The following COL26A1 variants were observed in gnomAD, a reference collection of about 807,000 sequenced individuals.
The protein encoded by COL26A1 is collagen alpha-1(XXVI) chain.
In COL26A1, 41 loss-of-function variants were observed where a neutral mutation model predicts 59.3. The ratio of observed to expected loss-of-function variants is 0.69; its 90% CI spans 0.54 to 0.90. The LOEUF is 0.90. Among genes scored for constraint, COL26A1 ranks in the 40% least tolerant of loss-of-function variants. COL26A1 has a pLI of 0.00. For synonymous variants in COL26A1, 266 were observed against 256.0 expected (o/e 1.04, Z -0.37); for missense variants, 612 against 602.3 (o/e 1.02, Z -0.17).
intron 3 of COL26A1, among the ~76,000 whole-genome samples, chr7:101,498,524 G>C (rs1794635002): frequency 6.6e-6 from 1 of 152,152 alleles, no homozygotes; most frequent in African/African-American, 2.4e-5. Context: ...CTGGCTCTGA[G>C]CACCTTGGTG....
chr7:101,483,740 T>C (rs1794204493), intron 3 of COL26A1, among the ~76,000 whole-genome samples: 1 of 151,156 alleles, frequency 6.6e-6, no homozygotes, highest in Non-Finnish European at 1.5e-5. Flanking sequence ...AATGGCGCGA[T>C]CTCAGCTCAC....
At chr7:101,484,480 C>T (rs1469026342) in intron 3 of COL26A1, among the ~76,000 whole-genome samples, 4 of 151,462 alleles carry the variant, frequency 2.6e-5, no homozygotes, top group African/African-American at 9.7e-5. Context: ...CAGCGATTCT[C>T]CTGCCTCAGC....
At chr7:101,422,794 C>T (rs1792554843) in intron 2 of COL26A1, among the ~76,000 whole-genome samples, 1 of 152,004 alleles carries the variant, frequency 6.6e-6, no homozygotes, top group Non-Finnish European at 1.5e-5. Context: ...CATGCATCAC[C>T]GTGCCTCACT....
intron 1 of COL26A1, among the ~76,000 whole-genome samples, chr7:101,415,157 C>CT (rs768628869): frequency 4.2e-3 from 612 of 147,254 alleles, no homozygotes; most frequent in Non-Finnish European, 5.0e-3. Flanking sequence ...AACCCCCCCC[C>CT]TTTTTTTTTT....
intron 1 of COL26A1, among the ~76,000 whole-genome samples, chr7:101,363,543 CGGGGGTTG>C (rs1790958459): frequency 7.6e-5 from 2 of 26,262 alleles, no homozygotes; most frequent in South Asian, 1.2e-3. Flanking sequence ...CGCGGGGCGG[CGGGGGTTG>C]GGGGCTGCAG....
Position 101,558,496 on chromosome 7 carries a change from G to T in COL26A1, c.*966G>T, listed in dbSNP as rs943913600. Reference sequence around the variant, plus strand: ...GTTTGTCTCTCAGTGGACTCTATAGGTTTGCTACTTTTGCATGACACAGCA... The same window carrying T: ...GTTTGTCTCTCAGTGGACTCTATAGTTTTGCTACTTTTGCATGACACAGCA... On this transcript the variant is annotated 3_prime_UTR_variant, in exon 13 of 13. Coordinates refer to ENST00000313669, the MANE Select transcript of COL26A1 (RefSeq NM_001278563.3). The T allele has an allele frequency of 6.6e-6, 1 of 152,204 alleles. No individual in the cohort carries two copies. The highest frequency in any genetic ancestry group is 2.4e-5 in the African/African-American group (1 of 41,440). 9.4% of individuals were successfully genotyped at this position (152,204 alleles called of 1,614,324 possible).
At chr7:101,512,020 A>G (rs1563020352) in intron 3 of COL26A1, among the ~76,000 whole-genome samples, 1 of 152,092 alleles carries the variant, frequency 6.6e-6, no homozygotes, top group Admixed American at 6.6e-5. Flanking sequence ...AATAAATAAA[A>G]TGAAAGACAC....
At chr7:101,377,335 A>G (rs1225081738) in intron 1 of COL26A1, among the ~76,000 whole-genome samples, 4 of 151,952 alleles carry the variant, frequency 2.6e-5, no homozygotes, top group African/African-American at 4.8e-5. Flanking sequence ...TTCATGTCCC[A>G]GACAGTGTGA....
intron 3 of COL26A1, among the ~76,000 whole-genome samples, chr7:101,475,293 A>T (rs960079402): frequency 8.0e-6 from 1 of 125,592 alleles, no homozygotes; most frequent in Non-Finnish European, 1.6e-5. Flanking sequence ...AGAGACAAGG[A>T]TGTTCCTTTC....
At chr7:101,467,428 G>A (rs746860361) in intron 3 of COL26A1, among the ~76,000 whole-genome samples, 5 of 151,388 alleles carry the variant, frequency 3.3e-5, no homozygotes, top group Non-Finnish European at 3.0e-5. Context: ...CACAGCGCCC[G>A]AGAGATTGGT....
intron 3 of COL26A1, among the ~76,000 whole-genome samples, chr7:101,466,554 C>G (rs1406821047): frequency 1.3e-5 from 2 of 152,044 alleles, no homozygotes; most frequent in East Asian, 3.9e-4. Flanking sequence ...TAAAAATTAG[C>G]TAGGCATGGT....
intron 1 of COL26A1, among the ~76,000 whole-genome samples, chr7:101,394,925 G>A (rs1298138865): frequency 6.9e-6 from 1 of 145,984 alleles, no homozygotes; most frequent in Non-Finnish European, 1.5e-5. Context: ...CTAGGCTAAG[G>A]TGCAGTGGTG....
intron 9 of COL26A1, among the ~76,000 whole-genome samples, chr7:101,550,118 T>C (rs1260772484): frequency 6.6e-6 from 1 of 152,154 alleles, no homozygotes; most frequent in Non-Finnish European, 1.5e-5. Context: ...GATGGAATTA[T>C]TGAGTTTCAG....
intron 1 of COL26A1, among the ~76,000 whole-genome samples, chr7:101,401,328 T>C (rs919446146): frequency 6.6e-6 from 1 of 151,820 alleles, no homozygotes; most frequent in East Asian, 1.9e-4. Flanking sequence ...ATGATGAGGG[T>C]GATGATGAAA....
chr7:101,427,425 G>T (rs941298351), intron 2 of COL26A1, among the ~76,000 whole-genome samples: 4 of 151,962 alleles, frequency 2.6e-5, no homozygotes, highest in Non-Finnish European at 5.9e-5. Context: ...ACTTTGGGAG[G>T]CCCAAGTGGG....
At chr7:101,463,869 T>TTTACTTTCTTTC (rs767308668) in intron 3 of COL26A1, among the ~76,000 whole-genome samples, 1 of 91,692 alleles carries the variant, frequency 1.1e-5, no homozygotes, top group African/African-American at 5.9e-5. Flanking sequence ...CTCTTTTTTC[T>TTTACTTTCTTTC]TTTCTTTCTT....
intron 4 of COL26A1, among the ~76,000 whole-genome samples, chr7:101,535,002 T>C (rs17135599): frequency 0.12 from 18,628 of 152,222 alleles, 1,497 homozygotes; most frequent in African/African-American, 0.22. Flanking sequence ...CTTACAGATA[T>C]GAACACAGGT....
At chr7:101,489,601 T>TTTTC (rs1177502295) in intron 3 of COL26A1, among the ~76,000 whole-genome samples, 4,271 of 105,232 alleles carry the variant, frequency 0.041, 847 homozygotes, top group East Asian at 0.091. Context: ...TTTTCTTTCT[T>TTTTC]TTTCTTTCTT....
intron 1 of COL26A1, among the ~76,000 whole-genome samples, chr7:101,385,250 T>TATAC (rs1554403690): frequency 1.8e-4 from 26 of 147,816 alleles, no homozygotes; most frequent in African/African-American, 5.5e-4. Context: ...TATATATATA[T>TATAC]ACACACACAC....
Sources: allele counts gnomAD v4.1 joint callset (sites outside exome capture counted in the v4.1 genomes callset), GRCh38; gene constraint gnomAD v4.1.1; transcripts MANE v1.5; gene names NCBI Gene and HGNC (gene_info 2026-07-23, HGNC 2026-07-21).